ZNF76: variants seen among roughly 807,000 people sequenced by gnomAD.
ZNF76 encodes the protein zinc finger protein 76.
Under a neutral mutation model 66.9 loss-of-function variants are expected in ZNF76, and 66 were observed. The observed-to-expected ratio is 0.99, with a 90% CI of 0.81 to 1.21. ZNF76 has a LOEUF of 1.21. Ranked by LOEUF, ZNF76 falls within the 50% of genes most tolerant of loss-of-function variation. ZNF76 has a pLI of 0.00. For synonymous variants in ZNF76, 275 were observed against 296.1 expected, an observed-to-expected ratio of 0.93 and a Z score of 0.73; for missense variants, 729 against 760.3, an observed-to-expected ratio of 0.96 and a Z score of 0.48.
intron 1 of ZNF76, among the ~76,000 whole-genome samples, chr6:35,262,315 T>A (rs1026619512): frequency 1.3e-5 from 2 of 152,186 alleles, no homozygotes; most frequent in Non-Finnish European, 2.9e-5. Context: ...TCCTAGGTTT[T>A]GTGATCTGCT....
chr6:35,276,857 T>TG (rs1787978680), intron 1 of ZNF76, among the ~76,000 whole-genome samples: 1 of 145,254 alleles, frequency 6.9e-6, no homozygotes, highest in Non-Finnish European at 1.5e-5. Context: ...AGTGCAGTGA[T>TG]GCAATTTTGG....
At chr6:35,272,814 A>G (rs1322798474) in intron 1 of ZNF76, among the ~76,000 whole-genome samples, 1 of 152,046 alleles carries the variant, frequency 6.6e-6, no homozygotes, top group Non-Finnish European at 1.5e-5. Flanking sequence ...TTATTTTTGT[A>G]GAGACGGTGT....
chr6:35,262,755 A>G (rs528330935), intron 1 of ZNF76, among the ~76,000 whole-genome samples: 2 of 152,250 alleles, frequency 1.3e-5, no homozygotes, highest in South Asian at 2.1e-4. Context: ...ACTAGCTTCA[A>G]TGGAATCGGC....
intron 1 of ZNF76, among the ~76,000 whole-genome samples, chr6:35,272,871 C>T (rs549709653): frequency 2.0e-5 from 3 of 151,960 alleles, no homozygotes; most frequent in Admixed American, 6.5e-5. Context: ...GACGGTGTCT[C>T]GGCTGGGCAT....
intron 1 of ZNF76, among the ~76,000 whole-genome samples, chr6:35,266,872 C>T (rs555421707): frequency 1.4e-5 from 2 of 138,144 alleles, no homozygotes; most frequent in Non-Finnish European, 3.0e-5. Context: ...GCCATCTCGG[C>T]TCACTGCAAG....
intron 1 of ZNF76, among the ~76,000 whole-genome samples, chr6:35,264,104 G>A (rs1405253034): frequency 6.6e-6 from 1 of 152,162 alleles, no homozygotes; most frequent in East Asian, 1.9e-4. Flanking sequence ...CAGGTAGTCA[G>A]TACTTACCTG....
intron 1 of ZNF76, among the ~76,000 whole-genome samples, chr6:35,265,556 G>C (rs1406272247): frequency 1.3e-5 from 2 of 151,608 alleles, no homozygotes; most frequent in Non-Finnish European, 2.9e-5. Context: ...CAGGATTCTG[G>C]GTGTTAAAAT....
chr6:35,291,610 A>AT lies in ZNF76; in HGVS notation c.805dup (p.Ser269PhefsTer2), dbSNP rs1021467229. ...AGGGCTGTGGCCGCTCCTTCACCAC[A>AT]TCTAACATCCGCAAGGTACATGTGC... On this transcript the variant is annotated frameshift_variant, in exon 9 of 14. Coordinates refer to ENST00000373953, the MANE Select transcript of ZNF76 (RefSeq NM_003427.5). LOFTEE classifies it high-confidence loss of function. 26 of 1,613,822 alleles carry AT rather than the reference A, an allele frequency of 1.6e-5. No homozygotes were observed. Among genetic ancestry groups the AT allele is most frequent in the Non-Finnish European group, 2.0e-5 (24 of 1,179,934 alleles).
At chr6:35,272,469 C>G (rs1787222450) in intron 1 of ZNF76, among the ~76,000 whole-genome samples, 1 of 149,536 alleles carries the variant, frequency 6.7e-6, no homozygotes, top group Non-Finnish European at 1.5e-5. Context: ...GACCCTGTTT[C>G]TGTGTGTGTG....
chr6:35,272,467 TTCTG>T (rs1562095790), intron 1 of ZNF76, among the ~76,000 whole-genome samples: 1 of 105,550 alleles, frequency 9.5e-6, no homozygotes. Context: ...AAGACCCTGT[TTCTG>T]TGTGTGTGTG....
chr6:35,276,961 G>GTT (rs34045342), intron 1 of ZNF76, among the ~76,000 whole-genome samples: 33 of 93,216 alleles, frequency 3.5e-4, no homozygotes, highest in South Asian at 4.6e-4. Context: ...GCTAATTTTT[G>GTT]TATTTTTTTT....
At chr6:35,266,730 C>G (rs1198171591) in intron 1 of ZNF76, among the ~76,000 whole-genome samples, 1 of 151,296 alleles carries the variant, frequency 6.6e-6, no homozygotes, top group Non-Finnish European at 1.5e-5. Flanking sequence ...TGGGACTCCT[C>G]TGGCAACGCA....
chr6:35,265,263 T>G (rs1430158327), intron 1 of ZNF76, among the ~76,000 whole-genome samples: 2 of 151,956 alleles, frequency 1.3e-5, no homozygotes, highest in African/African-American at 4.8e-5. Context: ...TCCCAGCACT[T>G]TGGGAGGCTG....
At chr6:35,260,089 A>AC (rs1298755209) in intron 1 of ZNF76, among the ~76,000 whole-genome samples, 2 of 134,318 alleles carry the variant, frequency 1.5e-5, no homozygotes, top group Admixed American at 7.9e-5. Context: ...CACCCTTGTG[A>AC]CCCCACACCC....
At chr6:35,290,777 C>G (rs1397912454) in intron 7 of ZNF76, 61 bp downstream of exon 7, 13 of 1,531,198 alleles carry the variant, frequency 8.5e-6, no homozygotes, top group Non-Finnish European at 1.2e-5. Flanking sequence ...TGTTTGGGAC[C>G]TCTCTGAAGG....
intron 2 of ZNF76, among the ~76,000 whole-genome samples, chr6:35,284,364 G>A (rs886887580): frequency 1.3e-5 from 2 of 151,916 alleles, no homozygotes; most frequent in African/African-American, 2.4e-5. Flanking sequence ...AAAGTGCTGG[G>A]ATTATAAGTG....
rs546897114 is a variant in ZNF76 at position 35,290,720 on chromosome 6, A to G, written c.625+4A>G. The G allele has an allele frequency of 1.5e-5, 25 of 1,614,152 alleles. No homozygotes were observed. In the South Asian group the frequency reaches 1.6e-4, roughly 11 times the overall value. The stretch of plus-strand genomic sequence containing the variant: ...TGTGGAAAGGCCTTTGCCACAGGTA[A>G]CCTGCCTGGTGGGCTGCTTCCAGTT... On this transcript the variant is annotated splice_donor_region_variant and intron_variant, in intron 7 of 13. Coordinates refer to ENST00000373953, the MANE Select transcript of ZNF76 (RefSeq NM_003427.5).
Position 35,286,305 on chromosome 6 carries a change from C to G in ZNF76, c.155-17C>G. The stretch of plus-strand genomic sequence containing the variant: ...GCACTGAGCTCCAGGGAAAGGCAGG[C>G]ATTGCTCTCGTTACAGAAGCTCTCT... On this transcript the variant is annotated splice_polypyrimidine_tract_variant and intron_variant, in intron 3 of 13. Coordinates refer to ENST00000373953, the MANE Select transcript of ZNF76 (RefSeq NM_003427.5). The G allele has an allele frequency of 6.2e-7, 1 of 1,614,132 alleles. No individual in the cohort carries two copies. The highest frequency in any genetic ancestry group is 8.5e-7 in the Non-Finnish European group (1 of 1,179,962).
chr6:35,272,098 C>G (rs2150347552), intron 1 of ZNF76, among the ~76,000 whole-genome samples: 1 of 152,128 alleles, frequency 6.6e-6, no homozygotes, highest in South Asian at 2.1e-4. Context: ...GAGCGAGACC[C>G]TTTCTCAAAG....
Sources: gnomAD v4.1 joint callset for allele counts (sites outside exome capture counted in the v4.1 genomes callset) on GRCh38, gnomAD v4.1.1 for gene constraint, MANE v1.5 for transcripts, NCBI Gene and HGNC (gene_info 2026-07-23, HGNC 2026-07-21) for gene names.